The following TET1 variants were observed in gnomAD, a reference collection of about 807,000 sequenced individuals.
TET1 encodes the protein tet methylcytosine dioxygenase 1, also known as methylcytosine dioxygenase TET1.
TET1 carries 13 observed loss-of-function variants against 148.7 expected under a neutral mutation model. That is an observed-to-expected ratio of 0.09 (90% CI 0.06 to 0.14). TET1 has a LOEUF of 0.14. TET1 is among the 10% of genes least tolerant of loss of function. The pLI, the probability that TET1 is intolerant of heterozygous loss-of-function variation, is 1.00. For missense variants in TET1, 2,182 were observed against 2,553.8 expected (o/e 0.85, Z 3.14); for synonymous variants, 907 against 937.2 (o/e 0.97, Z 0.59).
At chr10:68,582,394 C>A (rs1450096376) in intron 2 of TET1, among the ~76,000 whole-genome samples, 1 of 152,110 alleles carries the variant, frequency 6.6e-6, no homozygotes, top group African/African-American at 2.4e-5. Flanking sequence ...CCGCACCTGG[C>A]CTTAGATGAC....
intron 3 of TET1, among the ~76,000 whole-genome samples, chr10:68,615,632 C>T (rs1256366232): frequency 1.3e-5 from 2 of 151,822 alleles, no homozygotes; most frequent in African/African-American, 4.8e-5. Flanking sequence ...AGGCATGAGC[C>T]ACTGCGTCCA....
Position 68,646,716 on chromosome 10 carries a change from C to T in TET1, c.3987C>T (p.Leu1329=), listed in dbSNP as rs771104388. ...TTCAGCAGGTTGTTAAGGAGCAACT[C>T]ATGCATCAGAGACTGCCAACATTGC... is the stretch of plus-strand genomic sequence containing the variant. The part of the protein sequence containing the change: ...IRFQQVVKEQ[L]MHQRLPTLPG... The change falls in exon 4 of 12, where the codon CTC becomes CTT. Residue 1329 remains leucine (L), a synonymous_variant. Transcript: ENST00000373644. 4 of 1,614,036 alleles carry T rather than the reference C, an allele frequency of 2.5e-6. No homozygotes were observed. In the South Asian group the frequency reaches 4.4e-5, roughly 18 times the overall value.
intron 2 of TET1, among the ~76,000 whole-genome samples, chr10:68,588,109 C>T (rs139560641): frequency 2.2e-3 from 340 of 152,192 alleles, no homozygotes; most frequent in African/African-American, 7.5e-3. Flanking sequence ...GTGATCCACC[C>T]GCCTGGGCCT....
intron 3 of TET1, among the ~76,000 whole-genome samples, chr10:68,609,352 G>A (rs2050728070): frequency 6.6e-6 from 1 of 151,930 alleles, no homozygotes; most frequent in African/African-American, 2.4e-5. Flanking sequence ...GTAGAGATGG[G>A]GTTTCTCCAT....
At chr10:68,679,056 A>G (rs2055401889) in intron 8 of TET1, among the ~76,000 whole-genome samples, 1 of 152,098 alleles carries the variant, frequency 6.6e-6, no homozygotes, top group African/African-American at 2.4e-5. Flanking sequence ...TCATGCTTGT[A>G]ATTCCAGCTA....
At chr10:68,651,779 G>A (rs12243354) in intron 4 of TET1, 67 bp from the exon 5 acceptor site, 161,682 of 1,154,486 alleles carry the variant, frequency 0.14, 13,488 homozygotes, top group African/African-American at 0.34. Flanking sequence ...AAGTATAAAA[G>A]TAGCTTCTCC....
In TET1 at chr10:68,645,390, A is replaced by G; in HGVS notation, c.2661A>G (p.Thr887=). 4 of 1,614,142 alleles carry G rather than the reference A, an allele frequency of 2.5e-6. No individual in the cohort carries two copies. The highest frequency in any genetic ancestry group is 2.2e-5 in the East Asian group (1 of 44,884). ...LLSLMKDRRL[T]LEQVVAIEAL... The stretch of plus-strand genomic sequence containing the variant: ...CGTTAATGAAAGATAGGAGATTAAC[A>G]TTGGAGCAAGTGGTAGCCATAGAGG... The change falls in exon 4 of 12, where the codon ACA becomes ACG. Residue 887 remains threonine, a synonymous_variant. Coordinates refer to ENST00000373644, the MANE Select transcript of TET1 (RefSeq NM_030625.3).
At chr10:68,685,884 G>A (rs1415261766) in intron 10 of TET1, among the ~76,000 whole-genome samples, 1 of 152,062 alleles carries the variant, frequency 6.6e-6, no homozygotes, top group Non-Finnish European at 1.5e-5. Flanking sequence ...TAGCGTATAA[G>A]TCTTTCTGGA....
chr10:68,654,342 G>A (rs980724575), intron 6 of TET1, among the ~76,000 whole-genome samples: 2 of 151,370 alleles, frequency 1.3e-5, no homozygotes, highest in African/African-American at 4.9e-5. Flanking sequence ...TAGGCCAGGC[G>A]CAGTGGCTCA....
At chr10:68,689,745 C>T (rs2055564679) in intron 11 of TET1, among the ~76,000 whole-genome samples, 1 of 151,152 alleles carries the variant, frequency 6.6e-6, no homozygotes. Flanking sequence ...CACCACTGCA[C>T]TCCAGCCTGG....
chr10:68,651,849 G>A lies in TET1; in HGVS notation c.4280G>A (p.Arg1427Gln), dbSNP rs1303423182. 1 of 1,611,268 alleles carries A rather than the reference G, an allele frequency of 6.2e-7. No individual in the cohort carries two copies. The highest frequency in any genetic ancestry group is 2.2e-5 in the East Asian group (1 of 44,794). Residue 1427 changes from arginine to glutamine, a missense_variant, in exon 5 of 12, where the codon CGA becomes CAA. Physicochemically the swap from Arg to Gln is conservative, Grantham distance 43 (BLOSUM62 1). Around this residue, in one of 11 missense-constraint regions of TET1, gnomAD observed 169 missense variants for 263.7 expected, o/e 0.64. Coordinates refer to ENST00000373644, the MANE Select transcript of TET1 (RefSeq NM_030625.3). ...AATAATCTTATTCCTTCCACAGATC[G>A]AGTTATACAAAAAGACAAAGGCCCA... Reference protein sequence around the residue: ...SELPTCSCLDRVIQKDKGPYY... With the variant: ...SELPTCSCLDQVIQKDKGPYY...
At chr10:68,673,934 T>TA (rs2055310319) in intron 8 of TET1, among the ~76,000 whole-genome samples, 1 of 101,542 alleles carries the variant, frequency 9.8e-6, no homozygotes, top group African/African-American at 5.1e-5. Context: ...TCTTTCTTTT[T>TA]CTTTTTTTTT....
At position 68,683,001 on chromosome 10, in the gene TET1, A is replaced by G. The variant is rs548057989; in HGVS notation, c.5052+28A>G. On this transcript the variant is annotated intron_variant, in intron 10 of 11. Transcript: ENST00000373644. ...ATGTACCTGTGTGAATTTGTATTCT[A>G]AAAGCTCCATCACTATATGCTTAGG... 23 of 1,611,074 alleles carry G rather than the reference A, an allele frequency of 1.4e-5. 1 individual carries two copies. The Middle Eastern group carries it at 5.0e-4, about 35-fold the overall frequency.
Position 68,690,954 on chromosome 10 carries a change from T to C in TET1, c.5551T>C (p.Ser1851Pro). Residue 1851 changes from serine to proline, a missense_variant, in exon 12 of 12, where the codon TCC (serine) becomes CCC (proline). By Grantham distance (74) the Ser-to-Pro change is moderately conservative. Coordinates refer to ENST00000373644, the MANE Select transcript of TET1 (RefSeq NM_030625.3). Reference sequence around the variant, plus strand: ...AGAGGCATCTCCAGGCTTCTCCTGGTCCCCGAAGACTGCTTCAGCCACACC... The same window carrying C: ...AGAGGCATCTCCAGGCTTCTCCTGGCCCCCGAAGACTGCTTCAGCCACACC... Reference protein sequence around the residue: ...VKEASPGFSWSPKTASATPAP... With the variant: ...VKEASPGFSWPPKTASATPAP... 6.2e-7 allele frequency: 1 copy of C among 1,614,182 alleles called. No homozygotes were observed. The highest frequency in any genetic ancestry group is 1.1e-5 in the South Asian group (1 of 91,082).
At chr10:68,630,579 C>T (rs1320339848) in intron 3 of TET1, among the ~76,000 whole-genome samples, 1 of 152,100 alleles carries the variant, frequency 6.6e-6, no homozygotes, top group Non-Finnish European at 1.5e-5. Context: ...CCTCCCAAAG[C>T]GCTGGGATTA....
intron 6 of TET1, among the ~76,000 whole-genome samples, chr10:68,657,566 G>A (rs1305631535): frequency 6.6e-6 from 1 of 152,196 alleles, no homozygotes; most frequent in Non-Finnish European, 1.5e-5. Context: ...ATAGGAAGAG[G>A]AGGTTGCAGT....
intron 3 of TET1, among the ~76,000 whole-genome samples, chr10:68,630,212 G>A (rs1039643561): frequency 6.6e-6 from 1 of 152,094 alleles, no homozygotes; most frequent in Admixed American, 6.6e-5. Flanking sequence ...TGAACATAGG[G>A]GTATTTTGAG....
At chr10:68,686,903 T>C (rs908255499) in intron 11 of TET1, among the ~76,000 whole-genome samples, 196 bp downstream of exon 11, 9 of 152,046 alleles carry the variant, frequency 5.9e-5, no homozygotes, top group African/African-American at 2.2e-4. Context: ...TTTTTTTTTT[T>C]TTGAGAGGGA....
intron 3 of TET1, among the ~76,000 whole-genome samples, chr10:68,640,452 T>C (rs7084598): frequency 0.16 from 22,968 of 147,652 alleles, 1,945 homozygotes; most frequent in African/African-American, 0.21. Context: ...TTAGTAGAGA[T>C]GGGGTTTCAC....
Sources: allele counts gnomAD v4.1 joint callset (sites outside exome capture counted in the v4.1 genomes callset), GRCh38; gene constraint gnomAD v4.1.1; regional missense constraint gnomAD v4.1.1; transcripts MANE v1.5; gene names NCBI Gene and HGNC (gene_info 2026-07-23, HGNC 2026-07-21).